ESYT1: variants seen among roughly 807,000 people sequenced by gnomAD.
ESYT1 encodes the protein extended synaptotagmin 1.
In ESYT1, 116 loss-of-function variants were observed where a neutral mutation model predicts 154.2. The observed-to-expected ratio is 0.75, with a 90% confidence interval of 0.65 to 0.88. The LOEUF is 0.88. Ranked by LOEUF, ESYT1 falls within the 40% of genes least tolerant of loss-of-function variation. The pLI is 0.00. For synonymous variants in ESYT1, 500 were observed against 539.9 expected (o/e 0.93, Z 1.02); for missense variants, 1,264 against 1,379.3 (o/e 0.92, Z 1.32).
At chr12:56,130,289 C>T (rs1870177937) in intron 1 of ESYT1, 3 of 508,666 alleles carry the variant, frequency 5.9e-6, no homozygotes, top group Non-Finnish European at 1.1e-5. Context: ...AAGAATGCGC[C>T]CTTCTCCTCC....
At position 56,136,769 on chromosome 12, in the gene ESYT1, C is replaced by T. The variant is rs201104998; in HGVS notation, c.1658C>T (p.Thr553Ile). 4.3e-6 allele frequency: 7 copies of T among 1,611,286 alleles called. No individual in the cohort carries two copies. In the Admixed American group the frequency reaches 8.4e-5, roughly 19 times the overall value. ...VQVKDDSRALTLGALTLPLAR... is the reference protein window; with the variant it reads ...VQVKDDSRALILGALTLPLAR... ...GTGAAGGATGATTCCAGGGCCCTGA[C>T]TTTAGGAGCACTGACGCTGCCTCTG... The change falls in exon 16 of 31, where the codon ACT becomes ATT. Residue 553 changes from threonine to isoleucine, a missense_variant. Thr to Ile is a moderately conservative substitution (Grantham distance 89). Transcript: ENST00000394048.
In ESYT1 at chr12:56,133,454, G is replaced by A. The variant is rs142549493; in HGVS notation, c.1282G>A (p.Val428Ile). The A allele has an allele frequency of 4.3e-5, 69 of 1,614,182 alleles. No homozygotes were observed. In the African/African-American group the frequency reaches 6.5e-4, roughly 15 times the overall value. Residue 428 changes from valine (V) to isoleucine (I), a missense_variant, in exon 11 of 31, where the codon GTT becomes ATT. Coordinates refer to ENST00000394048, the MANE Select transcript of ESYT1 (RefSeq NM_015292.3). ...TGTAGGGAAGGTGTTACAGGCTAGC[G>A]TTCTGGATGATGTAAGTTGGGAGAA... is the stretch of plus-strand genomic sequence containing the variant. Reference protein sequence around the residue: ...LDVGKVLQASVLDDWFPLQGG... With the variant: ...LDVGKVLQASILDDWFPLQGG...
chr12:56,138,431 A>G lies in ESYT1; in HGVS notation c.2365A>G (p.Thr789Ala). The G allele has an allele frequency of 6.2e-7, 1 of 1,613,546 alleles. No homozygotes were observed. Among genetic ancestry groups the G allele is most frequent in the Non-Finnish European group, 8.5e-7 (1 of 1,179,896 alleles). ...EVLQVNSLIQ[T>A]QKSAELAAAL... Reference sequence around the variant, plus strand: ...GCTGCAGGTGAATAGTTTGATCCAGACTCAGAAGAGTGCGGAGCTGGCTGC... The same window carrying G: ...GCTGCAGGTGAATAGTTTGATCCAGGCTCAGAAGAGTGCGGAGCTGGCTGC... Residue 789 changes from threonine to alanine, a missense_variant, in exon 22 of 31, where the codon ACT (threonine) becomes GCT (alanine). Coordinates refer to ENST00000394048, the MANE Select transcript of ESYT1 (RefSeq NM_015292.3).
intron 4 of ESYT1, 23 bp downstream of exon 4, chr12:56,131,136 C>T (rs777545093): frequency 1.9e-6 from 3 of 1,613,832 alleles, no homozygotes; most frequent in Non-Finnish European, 2.5e-6. Context: ...ACCACTCTTA[C>T]TGCTTCCCCT....
At position 56,142,611 on chromosome 12, in the gene ESYT1, C is replaced by T. The variant is rs1345279115; in HGVS notation, c.2767C>T (p.His923Tyr). The T allele has an allele frequency of 3.1e-6, 5 of 1,614,010 alleles. No homozygotes were observed. Among genetic ancestry groups the T allele is most frequent in the East Asian group, 4.5e-5 (2 of 44,886 alleles). ...GTCCCAGCACTCGGGAGTGGAAGCTCATAGCCACAGCTACAGCCACAGCTC... is the reference window on the plus strand; with the variant it reads ...GTCCCAGCACTCGGGAGTGGAAGCTTATAGCCACAGCTACAGCCACAGCTC... ...LVSQHSGVEA[H>Y]SHSYSHSSSS... Residue 923 changes from histidine to tyrosine, a missense_variant, in exon 26 of 31, where the codon CAT becomes TAT. Transcript: ENST00000394048. This position sits in a 1 kb window ranked among gnomAD's most constrained non-coding sequence, Gnocchi z 4.1.
chr12:56,137,564 A>G lies in ESYT1; in HGVS notation c.2004A>G (p.Gly668=), dbSNP rs138502613. ...TTGCCAAAGACCGTTTCTTGGGGGGACTGGTGAAGGGCAAGTCAGACCCCT... is the reference window on the plus strand; with the variant it reads ...TTGCCAAAGACCGTTTCTTGGGGGGGCTGGTGAAGGGCAAGTCAGACCCCT... ...DLIAKDRFLG[G]LVKGKSDPYV... The change falls in exon 18 of 31, where the codon GGA becomes GGG. Residue 668 remains glycine, a synonymous_variant. Coordinates refer to ENST00000394048, the MANE Select transcript of ESYT1 (RefSeq NM_015292.3). The G allele has an allele frequency of 1.8e-3, 2,973 of 1,613,708 alleles. 6 individuals are homozygous for G. The highest frequency in any genetic ancestry group is 2.2e-3 in the Non-Finnish European group (2,651 of 1,179,966).
chr12:56,140,101 C>G (rs1435533708), intron 24 of ESYT1, among the ~76,000 whole-genome samples: 4 of 152,156 alleles, frequency 2.6e-5, no homozygotes, highest in African/African-American at 9.7e-5. Context: ...CTCCTGGACT[C>G]AAGCATTCTG....
intron 15 of ESYT1, among the ~76,000 whole-genome samples, chr12:56,134,928 T>C (rs1014467029): frequency 3.3e-5 from 5 of 152,058 alleles, no homozygotes; most frequent in African/African-American, 1.2e-4. Context: ...TCTTGAATGA[T>C]TTTATATATG....
Position 56,138,269 on chromosome 12 carries a change from G to A in ESYT1, c.2334G>A (p.Glu778=). The A allele has an allele frequency of 6.2e-7, 1 of 1,614,216 alleles. No homozygotes were observed. Among genetic ancestry groups the A allele is most frequent in the African/African-American group, 1.3e-5 (1 of 75,058 alleles). The change falls in exon 21 of 31, where the codon GAG becomes GAA. Residue 778 remains glutamate (E), a synonymous_variant. Coordinates refer to ENST00000394048, the MANE Select transcript of ESYT1 (RefSeq NM_015292.3). ...LTPRPTAAEL[E]EVLQVNSLIQ... ...CCCGTCCCACTGCTGCTGAGTTAGA[G>A]GAGGTAGGGCAGGAGACTTGAGGAA...
rs376840559 is a variant in ESYT1 at position 56,143,626 on chromosome 12, G to A, written c.3272G>A (p.Arg1091Gln). ...ACAGACCTTTCCCAGGGTGTAGCCC[G>A]GTGGTGAGTGTCTGCGTGGGTGGGG... ...AETDLSQGVA[R>Q]WYDLMDNKDK... is the part of the protein sequence containing the mutation. Residue 1091 changes from arginine (R) to glutamine (Q), a missense_variant, in exon 30 of 31, where the codon CGG becomes CAG. Physicochemically the swap from Arg to Gln is conservative, Grantham distance 43. Coordinates refer to ENST00000394048, the MANE Select transcript of ESYT1 (RefSeq NM_015292.3). The A allele has an allele frequency of 2.9e-5, 47 of 1,613,552 alleles. No individual in the cohort carries two copies. Among genetic ancestry groups the A allele is most frequent in the Middle Eastern group, 1.6e-4 (1 of 6,062 alleles).
Position 56,131,559 on chromosome 12 carries a change from G to A in ESYT1, c.797G>A (p.Arg266Gln), listed in dbSNP as rs139843541. The A allele has an allele frequency of 1.9e-4, 310 of 1,614,056 alleles. No individual in the cohort carries two copies. Among genetic ancestry groups the A allele is most frequent in the African/African-American group, 8.3e-4 (62 of 75,018 alleles). ...GGGGCTGTGTCAATGTTCTTCATCC[G>A]ACGCCCGGTAAGGGAAAACAATGAA... ...FVGAVSMFFI[R>Q]RPTLDINWTG... The change falls in exon 6 of 31, where the codon CGA (arginine) becomes CAA (glutamine). Residue 266 changes from arginine (R) to glutamine (Q), a missense_variant. Transcript: ENST00000394048.
At position 56,133,802 on chromosome 12, in the gene ESYT1, G is replaced by A. The variant is rs896444319; in HGVS notation, c.1402G>A (p.Val468Ile). ...LEQVLQWNWG[V>I]SSRPDPPSAA... is the part of the protein sequence containing the mutation. Reference sequence around the variant, plus strand: ...CCAGGTTCTACAGTGGAATTGGGGAGTCTCCTCTCGACCAGATCCCCCGTC... The same window carrying A: ...CCAGGTTCTACAGTGGAATTGGGGAATCTCCTCTCGACCAGATCCCCCGTC... Residue 468 changes from valine to isoleucine, a missense_variant, in exon 13 of 31, where the codon GTC becomes ATC. Physicochemically the swap from Val to Ile is conservative, Grantham distance 29 (BLOSUM62 3). Coordinates refer to ENST00000394048, the MANE Select transcript of ESYT1 (RefSeq NM_015292.3). 1 of 1,614,096 alleles carries A rather than the reference G, an allele frequency of 6.2e-7. No individual in the cohort carries two copies. Among genetic ancestry groups the A allele is most frequent in the Non-Finnish European group, 8.5e-7 (1 of 1,180,048 alleles).
intron 24 of ESYT1, among the ~76,000 whole-genome samples, chr12:56,140,930 C>T (rs147340941): frequency 9.2e-5 from 14 of 152,252 alleles, no homozygotes; most frequent in Admixed American, 4.6e-4. Flanking sequence ...ATAAGGGTGC[C>T]GTTGCTGACT....
chr12:56,143,390 T>C, intron 29 of ESYT1, 57 bp downstream of exon 29: 1 of 1,572,424 alleles, frequency 6.4e-7, no homozygotes, highest in Non-Finnish European at 8.7e-7. Context: ...GGCACCAAGG[T>C]TATAGTCCCT....
chr12:56,131,340 A>T lies in ESYT1; in HGVS notation c.714+24A>T, dbSNP rs769229604. ...AGGTAGGCCAGATGTCAGGGGCCACATAATAGGGAATGTTTGTCCTGCGTT... is the reference window on the plus strand; with the variant it reads ...AGGTAGGCCAGATGTCAGGGGCCACTTAATAGGGAATGTTTGTCCTGCGTT... On this transcript the variant is annotated intron_variant, in intron 5 of 30. Coordinates refer to ENST00000394048, the MANE Select transcript of ESYT1 (RefSeq NM_015292.3). The T allele has an allele frequency of 1.5e-5, 24 of 1,613,864 alleles. No homozygotes were observed. The East Asian group carries it at 5.3e-4, about 36-fold the overall frequency.
rs773878091 is a variant in ESYT1, at chr12:56,143,243, C to A, written c.3135C>A (p.Leu1045=). 4 of 1,614,008 alleles carry A rather than the reference C, an allele frequency of 2.5e-6. No individual in the cohort carries two copies. In the East Asian group the frequency reaches 8.9e-5, roughly 36 times the overall value. Residue 1045 remains leucine, a synonymous_variant, in exon 29 of 31, where the codon CTC becomes CTA. Coordinates refer to ENST00000394048, the MANE Select transcript of ESYT1 (RefSeq NM_015292.3). ...PEFNERFEWE[L]PLDEAQRRKL... ...CCTACCCCAGGTTTGAGTGGGAACT[C>A]CCCCTGGATGAGGCCCAGAGACGAA...
chr12:56,132,533 C>T lies in ESYT1; in HGVS notation c.1097C>T (p.Thr366Ile). ...CCATATGCACTTGTGCGTTTGGGTA[C>T]CCAGACATTCTGCAGTCGTGTCATT... ...SDPYALVRLG[T>I]QTFCSRVIDE... Residue 366 changes from threonine to isoleucine, a missense_variant, in exon 9 of 31, where the codon ACC becomes ATC. Thr to Ile is a moderately conservative substitution (Grantham distance 89, BLOSUM62 -1). Coordinates refer to ENST00000394048, the MANE Select transcript of ESYT1 (RefSeq NM_015292.3). 1.2e-6 allele frequency: 2 copies of T among 1,614,150 alleles called. No homozygotes were observed. The highest frequency in any genetic ancestry group is 1.7e-6 in the Non-Finnish European group (2 of 1,180,026).
Position 56,144,052 on chromosome 12 carries a change from C to A in ESYT1, c.*190C>A. 6.9e-7 allele frequency: 1 copy of A among 1,444,344 alleles called. No individual in the cohort carries two copies. Among genetic ancestry groups the A allele is most frequent in the South Asian group, 1.4e-5 (1 of 69,226 alleles). The allele number at this position is 1,444,344 out of a possible 1,614,324, so 89.5% of individuals were successfully genotyped here. A position where few individuals can be genotyped will look rare whatever the true frequency, so the allele number is the denominator to read the frequency against. On this transcript the variant is annotated 3_prime_UTR_variant, in exon 31 of 31. Coordinates refer to ENST00000394048, the MANE Select transcript of ESYT1 (RefSeq NM_015292.3). Reference sequence around the variant, plus strand: ...AGAACCGTATGTTCCCTTTACTGCACGGCCTTTATCCTTCTGGGCCCCTGG... The same window carrying A: ...AGAACCGTATGTTCCCTTTACTGCAAGGCCTTTATCCTTCTGGGCCCCTGG...
At chr12:56,128,906 C>T (rs1870115596) in intron 1 of ESYT1, 197 bp downstream of exon 1, 1 of 624,882 alleles carries the variant, frequency 1.6e-6, no homozygotes, top group Admixed American at 2.9e-5. Context: ...CCCACCCACC[C>T]TTTCGCATGC....
Sources: allele counts gnomAD v4.1 joint callset (sites outside exome capture counted in the v4.1 genomes callset), GRCh38; gene constraint gnomAD v4.1.1; non-coding constraint Gnocchi (gnomAD v3.1); transcripts MANE v1.5; gene names NCBI Gene and HGNC (gene_info 2026-07-23, HGNC 2026-07-21).